ASTN2: variants seen among roughly 807,000 people sequenced by gnomAD.
The protein encoded by ASTN2 is astrotactin-2.
In ASTN2, 54 loss-of-function variants were observed where a neutral mutation model predicts 139.8. That is an observed-to-expected ratio of 0.39 (90% confidence interval 0.31 to 0.48). The LOEUF (loss-of-function observed/expected upper bound fraction) is 0.48, where lower values mean the gene tolerates loss of function less well. Among genes scored for constraint, ASTN2 ranks in the 20% least tolerant of loss-of-function variants. The pLI, the probability that ASTN2 is intolerant of heterozygous loss-of-function variation, is 0.95. For missense variants in ASTN2, 1,565 were observed against 1,725.1 expected, an observed-to-expected ratio of 0.91 and a Z score of 1.64; for synonymous variants, 756 against 719.5, an observed-to-expected ratio of 1.05 and a Z score of -0.81.
chr9:117,166,631 C>G (rs1392899686), intron 3 of ASTN2, among the ~76,000 whole-genome samples: 1 of 152,088 alleles, frequency 6.6e-6, no homozygotes, highest in African/African-American at 2.4e-5. Flanking sequence ...CCTCATCTCC[C>G]CTAGCTAAGA....
intron 1 of ASTN2, among the ~76,000 whole-genome samples, chr9:117,387,582 C>T (rs1253414697): frequency 2.6e-5 from 4 of 152,100 alleles, no homozygotes; most frequent in Non-Finnish European, 5.9e-5. Context: ...AGAAGTGGGT[C>T]TGTTACATTA....
At chr9:117,330,807 T>C (rs1242667805) in intron 1 of ASTN2, among the ~76,000 whole-genome samples, 1 of 152,186 alleles carries the variant, frequency 6.6e-6, no homozygotes, top group Admixed American at 6.5e-5. Context: ...TAAAGGGATA[T>C]AAATGGAAGT....
chr9:117,221,338 C>A (rs564012465), intron 2 of ASTN2, among the ~76,000 whole-genome samples: 26 of 152,038 alleles, frequency 1.7e-4, no homozygotes, highest in Admixed American at 9.2e-4. Context: ...CACTGTTTGG[C>A]CTGGCCTCAT....
intron 20 of ASTN2, among the ~76,000 whole-genome samples, chr9:116,451,288 A>T (rs1321679963): frequency 6.6e-6 from 1 of 152,238 alleles, no homozygotes; most frequent in Non-Finnish European, 1.5e-5. Flanking sequence ...ATTAACACTT[A>T]AAATTAAATA....
intron 2 of ASTN2, among the ~76,000 whole-genome samples, chr9:117,257,289 A>C (rs904017467): frequency 2.6e-5 from 4 of 152,200 alleles, no homozygotes; most frequent in African/African-American, 9.7e-5. Flanking sequence ...GGCTGCATGA[A>C]AGCTAGCTTA....
At chr9:116,504,487 T>G (rs955689045) in intron 19 of ASTN2, 1 of 152,220 alleles carries the variant, frequency 6.6e-6, no homozygotes, top group African/African-American at 2.4e-5. Context: ...CTAGTGTTTA[T>G]TAAGCTCTTA....
At chr9:117,016,484 T>C (rs1279486703) in intron 6 of ASTN2, among the ~76,000 whole-genome samples, 2 of 150,958 alleles carry the variant, frequency 1.3e-5, no homozygotes, top group East Asian at 3.9e-4. Flanking sequence ...TGCTAATAAC[T>C]GTGAGAGGAC....
At chr9:116,566,297 G>C (rs772987955) in intron 19 of ASTN2, among the ~76,000 whole-genome samples, 2 of 152,060 alleles carry the variant, frequency 1.3e-5, no homozygotes, top group Non-Finnish European at 2.9e-5. Context: ...TTTTCTGCCT[G>C]GAATTCCCAT....
intron 13 of ASTN2, among the ~76,000 whole-genome samples, chr9:116,759,322 C>A (rs917863222): frequency 6.6e-6 from 1 of 152,138 alleles, no homozygotes; most frequent in Non-Finnish European, 1.5e-5. Flanking sequence ...AGAGTAAAAG[C>A]AAATAATTTA....
At chr9:116,474,013 C>A (rs1261030248) in intron 20 of ASTN2, among the ~76,000 whole-genome samples, 1 of 152,082 alleles carries the variant, frequency 6.6e-6, no homozygotes, top group Non-Finnish European at 1.5e-5. Flanking sequence ...TGTTTCACAA[C>A]AAAATTCTAA....
At chr9:117,063,506 C>T (rs1410405547) in intron 5 of ASTN2, among the ~76,000 whole-genome samples, 1 of 152,204 alleles carries the variant, frequency 6.6e-6, no homozygotes, top group East Asian at 1.9e-4. Flanking sequence ...ATAAGACGTG[C>T]CTTTCACCTT....
At chr9:116,754,351 G>C (rs747763941) in intron 13 of ASTN2, among the ~76,000 whole-genome samples, 1 of 152,102 alleles carries the variant, frequency 6.6e-6, no homozygotes, top group Non-Finnish European at 1.5e-5. Context: ...GGGTCAAATG[G>C]TATTTCTAGT....
At chr9:116,833,248 A>G (rs945586184) in intron 11 of ASTN2, among the ~76,000 whole-genome samples, 6 of 152,092 alleles carry the variant, frequency 3.9e-5, no homozygotes, top group Non-Finnish European at 8.8e-5. Flanking sequence ...GTCTGTGGTG[A>G]TATCACCTGT....
chr9:116,875,619 A>C (rs1332357671), intron 10 of ASTN2, among the ~76,000 whole-genome samples: 2 of 152,242 alleles, frequency 1.3e-5, no homozygotes, highest in African/African-American at 4.8e-5. Context: ...TATTGGAAGA[A>C]GATGCCATCT....
At chr9:117,208,120 C>T (rs1474702957) in intron 3 of ASTN2, among the ~76,000 whole-genome samples, 1 of 152,070 alleles carries the variant, frequency 6.6e-6, no homozygotes, top group African/African-American at 2.4e-5. Context: ...AAACATGTCA[C>T]TGTAAAAGGA....
intron 4 of ASTN2, among the ~76,000 whole-genome samples, chr9:117,108,150 T>C (rs568666739): frequency 2.4e-4 from 36 of 152,306 alleles, no homozygotes; most frequent in Admixed American, 2.0e-3. Flanking sequence ...TCAGGGATTG[T>C]CTTGAGAAAG....
At chr9:116,672,669 C>G (rs1248589133) in intron 16 of ASTN2, among the ~76,000 whole-genome samples, 1 of 152,122 alleles carries the variant, frequency 6.6e-6, no homozygotes, top group East Asian at 1.9e-4. Context: ...ACTATTATCC[C>G]CCATTTTGCA....
chr9:116,593,059 A>G (rs1030786699), intron 19 of ASTN2, among the ~76,000 whole-genome samples: 3 of 152,240 alleles, frequency 2.0e-5, no homozygotes, highest in Non-Finnish European at 4.4e-5. Context: ...GTTGCCCATG[A>G]CACATGAATT....
At chr9:116,945,988 T>C (rs976430875) in intron 10 of ASTN2, among the ~76,000 whole-genome samples, 2 of 152,234 alleles carry the variant, frequency 1.3e-5, no homozygotes, top group Non-Finnish European at 2.9e-5. Context: ...AGCAAGGTCC[T>C]CCTTCGCATG....
Sources: allele counts gnomAD v4.1 joint callset (sites outside exome capture counted in the v4.1 genomes callset), GRCh38; gene constraint gnomAD v4.1.1; transcripts MANE v1.5; gene names NCBI Gene and HGNC (gene_info 2026-07-23, HGNC 2026-07-21).